Variants in APBA1 observed in about 807,000 individuals in gnomAD.
The protein encoded by APBA1 is amyloid-beta A4 precursor protein-binding family A member 1.
A neutral mutation model predicts 86.6 loss-of-function variants in APBA1; 55 were observed. The ratio of observed to expected loss-of-function variants is 0.64; its 90% CI spans 0.51 to 0.80. The LOEUF is 0.80. Among genes scored for constraint, APBA1 ranks in the 30% least tolerant of loss-of-function variants. APBA1 has a pLI of 0.00. For missense variants in APBA1, 1,090 were observed against 1,183.0 expected, an observed-to-expected ratio of 0.92 and a Z score of 1.15; for synonymous variants, 511 against 493.9, an observed-to-expected ratio of 1.03 and a Z score of -0.46.
At chr9:69,523,497 GTATATATA>G (rs869242999) in intron 1 of APBA1, among the ~76,000 whole-genome samples, 90 of 30,848 alleles carry the variant, frequency 2.9e-3, no homozygotes, top group Admixed American at 5.0e-3. Context: ...ATATATATAT[GTATATATA>G]TATATATATA....
At chr9:69,530,722 A>T (rs1333095004) in intron 1 of APBA1, among the ~76,000 whole-genome samples, 3 of 152,154 alleles carry the variant, frequency 2.0e-5, no homozygotes, top group Non-Finnish European at 4.4e-5. Context: ...CTAAAATATA[A>T]TTTTTTTAAA....
chr9:69,510,479 GA>G (rs1836015703), intron 2 of APBA1, among the ~76,000 whole-genome samples: 1 of 136,382 alleles, frequency 7.3e-6, no homozygotes, highest in Non-Finnish European at 1.6e-5. Context: ...TCAATATCGT[GA>G]AAATGGCCAT....
At chr9:69,562,615 T>A (rs1836963847) in intron 1 of APBA1, among the ~76,000 whole-genome samples, 1 of 152,152 alleles carries the variant, frequency 6.6e-6, no homozygotes, top group Admixed American at 6.5e-5. Context: ...CCTCATGTGA[T>A]CCTCCTGCCT....
chr9:69,489,815 T>C (rs1424896577), intron 2 of APBA1, among the ~76,000 whole-genome samples: 1 of 151,974 alleles, frequency 6.6e-6, no homozygotes, highest in Non-Finnish European at 1.5e-5. Context: ...CATTAAAAAG[T>C]CAGGAAACAA....
At chr9:69,514,318 T>G (rs1296181042) in intron 2 of APBA1, among the ~76,000 whole-genome samples, 4 of 151,688 alleles carry the variant, frequency 2.6e-5, no homozygotes, top group African/African-American at 9.7e-5. Context: ...AGCCTGGGAG[T>G]GGTGTTTCAC....
At chr9:69,562,118 A>T (rs1316571103) in intron 1 of APBA1, among the ~76,000 whole-genome samples, 1 of 152,192 alleles carries the variant, frequency 6.6e-6, no homozygotes, top group Admixed American at 6.5e-5. Context: ...TTTTCCATGT[A>T]CATTCAAAGT....
chr9:69,599,777 C>T (rs140210473), intron 1 of APBA1, among the ~76,000 whole-genome samples: 6 of 152,160 alleles, frequency 3.9e-5, no homozygotes, highest in East Asian at 3.9e-4. Context: ...TAGAGGATTC[C>T]GATGCAGACT....
intron 2 of APBA1, among the ~76,000 whole-genome samples, chr9:69,484,077 G>T (rs1255989272): frequency 1.3e-5 from 2 of 152,002 alleles, no homozygotes; most frequent in Non-Finnish European, 2.9e-5. Context: ...GATTTTAAGG[G>T]TCTGGCCCCC....
In APBA1 at chr9:69,516,275, G is replaced by C; in HGVS notation, c.936C>G (p.Asp312Glu). Reference protein sequence around the residue: ...RPPTPAGGRPDSPGLQAPAGQ... With the variant: ...RPPTPAGGRPESPGLQAPAGQ... Reference sequence around the variant, plus strand: ...CCGCCGGCGCCTGCAGCCCGGGGCTGTCGGGGCGACCCCCGGCCGGGGTAG... The same window carrying C: ...CCGCCGGCGCCTGCAGCCCGGGGCTCTCGGGGCGACCCCCGGCCGGGGTAG... Residue 312 changes from aspartate (D) to glutamate (E), a missense_variant, in exon 2 of 13, where the codon GAC becomes GAG. By Grantham distance (45) the Asp-to-Glu change is conservative (BLOSUM62 2). Coordinates refer to ENST00000265381, the MANE Select transcript of APBA1 (RefSeq NM_001163.4). This position sits in a 1 kb window ranked among gnomAD's most constrained non-coding sequence, Gnocchi z 7.3. 1 of 1,461,380 alleles carries C rather than the reference G, an allele frequency of 6.8e-7. No individual in the cohort carries two copies. The highest frequency in any genetic ancestry group is 1.4e-5 in the South Asian group (1 of 73,532). The allele number at this position is 1,461,380 out of a possible 1,614,324, so 90.5% of individuals were successfully genotyped here. A position where few individuals can be genotyped will look rare whatever the true frequency, so the allele number is the denominator to read the frequency against.
intron 2 of APBA1, among the ~76,000 whole-genome samples, chr9:69,492,686 A>G (rs1466711272): frequency 6.6e-6 from 1 of 152,060 alleles, no homozygotes; most frequent in South Asian, 2.1e-4. Context: ...TGATGCTATT[A>G]TAGTGATTGA....
intron 1 of APBA1, among the ~76,000 whole-genome samples, chr9:69,624,525 C>T (rs974906774): frequency 2.0e-5 from 3 of 152,122 alleles, no homozygotes; most frequent in Non-Finnish European, 4.4e-5. Context: ...ATATAGTCAC[C>T]TCCACCATGA....
intron 1 of APBA1, among the ~76,000 whole-genome samples, chr9:69,549,104 G>A (rs1172299707): frequency 1.3e-5 from 2 of 152,326 alleles, no homozygotes; most frequent in Admixed American, 6.5e-5. Context: ...AAGCAAGCCA[G>A]GTAGAAGAAA....
chr9:69,433,951 A>ACAGGT (rs1834650122), intron 11 of APBA1, among the ~76,000 whole-genome samples: 1 of 151,816 alleles, frequency 6.6e-6, no homozygotes, highest in Admixed American at 6.6e-5. Flanking sequence ...AGCTGGGATT[A>ACAGGT]CAGGTGCCCG....
chr9:69,502,406 T>C (rs1327381409), intron 2 of APBA1, among the ~76,000 whole-genome samples: 2 of 152,004 alleles, frequency 1.3e-5, no homozygotes, highest in Non-Finnish European at 2.9e-5. Context: ...CATTCTCCCA[T>C]CTCTTTTTGT....
chr9:69,622,999 A>C (rs1281079400), intron 1 of APBA1, among the ~76,000 whole-genome samples: 4 of 152,104 alleles, frequency 2.6e-5, no homozygotes, highest in African/African-American at 9.7e-5. Flanking sequence ...AAGTGTCCAC[A>C]CTCTTGGCAG....
intron 1 of APBA1, among the ~76,000 whole-genome samples, chr9:69,539,517 C>CCAG (rs1446584948): frequency 1.3e-5 from 2 of 152,186 alleles, no homozygotes; most frequent in Non-Finnish European, 2.9e-5. Flanking sequence ...ATTGCAACCA[C>CCAG]CAGCATCTTT....
intron 1 of APBA1, among the ~76,000 whole-genome samples, chr9:69,669,673 G>T (rs1382669963): frequency 6.6e-6 from 1 of 152,220 alleles, no homozygotes; most frequent in Non-Finnish European, 1.5e-5. Context: ...TACTCAGGAG[G>T]CTGAGGCAGG....
chr9:69,515,174 G>C (rs1014393306), intron 2 of APBA1, among the ~76,000 whole-genome samples: 1 of 152,190 alleles, frequency 6.6e-6, no homozygotes, highest in African/African-American at 2.4e-5. Flanking sequence ...TTCTGACACA[G>C]AGCAGGGATA....
chr9:69,463,117 C>G (rs1018693020), intron 5 of APBA1: 1 of 152,158 alleles, frequency 6.6e-6, no homozygotes, highest in South Asian at 2.1e-4. Context: ...TGACAGATGT[C>G]TTCTAATTCT....
Sources: allele counts gnomAD v4.1 joint callset (sites outside exome capture counted in the v4.1 genomes callset), GRCh38; gene constraint gnomAD v4.1.1; non-coding constraint Gnocchi (gnomAD v3.1); transcripts MANE v1.5; gene names NCBI Gene and HGNC (gene_info 2026-07-23, HGNC 2026-07-21).